CEMIP: variants seen among roughly 807,000 people sequenced by gnomAD.
CEMIP encodes the protein cell migration inducing hyaluronidase 1.
Under a neutral mutation model 156.9 loss-of-function variants are expected in CEMIP, and 105 were observed. The observed-to-expected ratio is 0.67, with a 90% CI of 0.57 to 0.79. The LOEUF is 0.79. Among genes scored for constraint, CEMIP ranks in the 30% least tolerant of loss-of-function variants. The pLI is 0.00. For synonymous variants in CEMIP, 676 were observed against 668.4 expected (o/e 1.01, Z -0.17); for missense variants, 1,457 against 1,769.4 (o/e 0.82, Z 3.17).
At chr15:80,861,510 G>A (rs1473791222) in intron 1 of CEMIP, among the ~76,000 whole-genome samples, 3 of 152,174 alleles carry the variant, frequency 2.0e-5, no homozygotes, top group Non-Finnish European at 4.4e-5. Flanking sequence ...AGGTCTTCCT[G>A]GGACTATGAG....
At chr15:80,844,422 C>T (rs1324881027) in intron 1 of CEMIP, among the ~76,000 whole-genome samples, 1 of 152,190 alleles carries the variant, frequency 6.6e-6, no homozygotes, top group African/African-American at 2.4e-5. Flanking sequence ...GGGGTGGAAA[C>T]AGCTGCAGGC....
intron 1 of CEMIP, among the ~76,000 whole-genome samples, chr15:80,864,379 A>G (rs1898065826): frequency 6.6e-6 from 1 of 152,224 alleles, no homozygotes; most frequent in African/African-American, 2.4e-5. Flanking sequence ...CTGAAGATGC[A>G]GTTCTACCAA....
chr15:80,925,818 C>A, intron 19 of CEMIP, 63 bp downstream of exon 19: 1 of 1,576,164 alleles, frequency 6.3e-7, no homozygotes. Context: ...CCCTAGCCCC[C>A]TACAGAGACA....
In CEMIP at chr15:80,848,928, C is replaced by CACACACACACACACACACACA. The variant is rs1284211292; in HGVS notation, c.-175-24610_-175-24609insACACACACACACACACACACA. 6.5e-4 allele frequency among the ~76,000 whole-genome samples: 11 copies of CACACACACACACACACACACA among 17,016 alleles called. No individual in the cohort carries two copies. In the South Asian group the frequency reaches 0.014, roughly 21 times the overall value. The allele number at this position is 17,016 out of a possible 152,430, so 11.2% of individuals were successfully genotyped here. A position where few individuals can be genotyped will look rare whatever the true frequency, so the allele number is the denominator to read the frequency against. Reference sequence around the variant, plus strand: ...CACACACACACACACACACACACACCCTGGCTTCAGGGATCTCTTTAGAAA... The same window carrying CACACACACACACACACACACA: ...CACACACACACACACACACACACACCACACACACACACACACACACACTGGCTTCAGGGATCTCTTTAGAAA... On this transcript the variant is annotated intron_variant, in intron 1 of 29. Coordinates refer to ENST00000394685, the MANE Select transcript of CEMIP (RefSeq NM_001293298.2).
chr15:80,924,663 TC>T lies in CEMIP; in HGVS notation c.2246del (p.Ser749LeufsTer25). ...IDNGVKTTEA[S>X]AKDKRPFLSI... is the part of the protein sequence containing the mutation. ...CAACGGAGTCAAAACCACCGAGGCC[TC>T]TGCCAAGGACAAGCGGCCGTTCCTC... is the stretch of plus-strand genomic sequence containing the variant. On this transcript the variant is annotated frameshift_variant, in exon 18 of 30. Transcript: ENST00000394685. LOFTEE classifies it high-confidence loss of function. The T allele has an allele frequency of 1.2e-6, 2 of 1,614,236 alleles. No homozygotes were observed. The highest frequency in any genetic ancestry group is 1.7e-6 in the Non-Finnish European group (2 of 1,180,040).
intron 1 of CEMIP, among the ~76,000 whole-genome samples, chr15:80,848,900 G>GCGCACACACACACACA (rs1555430239): frequency 1.6e-4 from 21 of 134,632 alleles, no homozygotes; most frequent in African/African-American, 5.9e-4. Flanking sequence ...GTGTGCGCGT[G>GCGCACACACACACACA]CACACACACA....
intron 19 of CEMIP, among the ~76,000 whole-genome samples, chr15:80,927,059 G>C (rs1432257271): frequency 6.6e-6 from 1 of 152,220 alleles, no homozygotes; most frequent in Non-Finnish European, 1.5e-5. Context: ...GCAAGCTCCT[G>C]ACCTTGTGAT....
chr15:80,796,704 AT>A (rs1896235690), intron 1 of CEMIP, among the ~76,000 whole-genome samples: 1 of 151,948 alleles, frequency 6.6e-6, no homozygotes. Flanking sequence ...GCAAACGTTT[AT>A]TAATCAACCA....
At chr15:80,893,627 C>T (rs986764541) in intron 10 of CEMIP, among the ~76,000 whole-genome samples, 8 of 152,176 alleles carry the variant, frequency 5.3e-5, no homozygotes, top group South Asian at 2.1e-4. Context: ...CTCTGAGCAT[C>T]AGCGTTGACC....
At chr15:80,804,660 C>T (rs927399098) in intron 1 of CEMIP, among the ~76,000 whole-genome samples, 6 of 152,142 alleles carry the variant, frequency 3.9e-5, no homozygotes, top group South Asian at 2.1e-4. Context: ...AAAGCACGTG[C>T]GTCTTTCCTA....
rs796068914 is a variant in CEMIP, at chr15:80,926,836, C to CTTTT, written c.2420+1090_2420+1093dup. ...TGAGCGGGTGGGGGGGGGGGGTCTT[C>CTTTT]TTTTTTTTTTTTGAGATGGAGTCTT... On this transcript the variant is annotated intron_variant, in intron 19 of 29. Coordinates refer to ENST00000394685, the MANE Select transcript of CEMIP (RefSeq NM_001293298.2). Among the ~76,000 whole-genome samples, 28 of 106,774 alleles carry CTTTT rather than the reference C, an allele frequency of 2.6e-4. 1 individual carries two copies. Among genetic ancestry groups the CTTTT allele is most frequent in the African/African-American group, 1.3e-3 (26 of 19,282 alleles). The allele number at this position is 106,774 out of a possible 152,430, so 70.0% of individuals were successfully genotyped here.
At chr15:80,832,901 G>A (rs562913851) in intron 1 of CEMIP, among the ~76,000 whole-genome samples, 80 of 152,216 alleles carry the variant, frequency 5.3e-4, no homozygotes, top group African/African-American at 1.8e-3. Flanking sequence ...CACATGCCTG[G>A]CAGCTGATGC....
chr15:80,925,712 G>A lies in CEMIP; in HGVS notation c.2377G>A (p.Gly793Arg), dbSNP rs200786786. ...HFIAYKNQDH[G>R]AWLRGGDVWL... ...CATTGCCTACAAGAACCAGGACCAC[G>A]GGGCCTGGCTGCGCGGCGGGGATGT... is the stretch of plus-strand genomic sequence containing the variant. Residue 793 changes from glycine (G) to arginine (R), a missense_variant, in exon 19 of 30, where the codon GGG (glycine) becomes AGG (arginine). This residue lies in a region of CEMIP where 798 missense variants were observed against 980.1 expected (regional missense o/e 0.81). Transcript: ENST00000394685. 73 of 1,613,588 alleles carry A rather than the reference G, an allele frequency of 4.5e-5. No homozygotes were observed. Among genetic ancestry groups the A allele is most frequent in the Non-Finnish European group, 5.6e-5 (66 of 1,180,010 alleles).
chr15:80,808,625 A>G (rs1486063769), intron 1 of CEMIP, among the ~76,000 whole-genome samples: 1 of 152,148 alleles, frequency 6.6e-6, no homozygotes, highest in Non-Finnish European at 1.5e-5. Context: ...GAAGGAAATA[A>G]CTATAGCATG....
chr15:80,850,713 A>G (rs1008448732), intron 1 of CEMIP, among the ~76,000 whole-genome samples: 1 of 152,132 alleles, frequency 6.6e-6, no homozygotes, highest in African/African-American at 2.4e-5. Flanking sequence ...AGTGATCCCC[A>G]TGGACTCAGC....
chr15:80,828,225 A>G (rs955204446), intron 1 of CEMIP, among the ~76,000 whole-genome samples: 4 of 152,064 alleles, frequency 2.6e-5, no homozygotes, highest in Admixed American at 2.0e-4. Flanking sequence ...CTAAAAATAC[A>G]GAAAATTAGC....
At chr15:80,854,154 A>C (rs563844647) in intron 1 of CEMIP, among the ~76,000 whole-genome samples, 5 of 152,354 alleles carry the variant, frequency 3.3e-5, no homozygotes, top group African/African-American at 9.6e-5. Flanking sequence ...TGCCAGGACC[A>C]CTTTCTCTCA....
intron 1 of CEMIP, among the ~76,000 whole-genome samples, chr15:80,861,153 G>A (rs1209560513): frequency 6.6e-6 from 1 of 152,096 alleles, no homozygotes; most frequent in Non-Finnish European, 1.5e-5. Flanking sequence ...GTGTCTCAAT[G>A]CCTAGAACCA....
chr15:80,858,588 G>T (rs1897910155), intron 1 of CEMIP, among the ~76,000 whole-genome samples: 1 of 151,804 alleles, frequency 6.6e-6, no homozygotes, highest in Admixed American at 6.6e-5. Context: ...AGCTGGGTGT[G>T]GTGGCACATG....
Sources: allele counts gnomAD v4.1 joint callset (sites outside exome capture counted in the v4.1 genomes callset), GRCh38; gene constraint gnomAD v4.1.1; regional missense constraint gnomAD v4.1.1; transcripts MANE v1.5; gene names NCBI Gene and HGNC (gene_info 2026-07-23, HGNC 2026-07-21).